Variants in EPHA5 observed in about 807,000 individuals in gnomAD.
The protein encoded by EPHA5 is EPH receptor A5.
A neutral mutation model predicts 105.0 loss-of-function variants in EPHA5; 60 were observed. That is an observed-to-expected ratio of 0.57 (90% CI 0.46 to 0.71). The LOEUF is 0.71. EPHA5 is among the 30% of genes least tolerant of loss of function. The pLI, the probability that EPHA5 is intolerant of heterozygous loss-of-function variation, is 0.00. For synonymous variants in EPHA5, 513 were observed against 449.1 expected, an observed-to-expected ratio of 1.14 and a Z score of -1.80; for missense variants, 1,218 against 1,274.7, an observed-to-expected ratio of 0.96 and a Z score of 0.68.
chr4:65,591,599 A>AT (rs1742662517), intron 3 of EPHA5, among the ~76,000 whole-genome samples: 1 of 150,264 alleles, frequency 6.7e-6, no homozygotes, highest in South Asian at 2.1e-4. Context: ...ATTAATTTTA[A>AT]TTTTATTTTT....
At chr4:65,354,981 T>C (rs1723162482) in intron 11 of EPHA5, among the ~76,000 whole-genome samples, 1 of 151,792 alleles carries the variant, frequency 6.6e-6, no homozygotes, top group Admixed American at 6.6e-5. Context: ...TGTAAAAATG[T>C]TTGTCTAAAA....
At chr4:65,422,123 C>A (rs1340997032) in intron 5 of EPHA5, among the ~76,000 whole-genome samples, 6 of 152,072 alleles carry the variant, frequency 3.9e-5, no homozygotes, top group Non-Finnish European at 7.4e-5. Flanking sequence ...CAGTGTTTTC[C>A]AAACTCAGTT....
chr4:65,460,226 A>G (rs1044559874), intron 5 of EPHA5, among the ~76,000 whole-genome samples: 5 of 151,566 alleles, frequency 3.3e-5, no homozygotes, highest in African/African-American at 1.2e-4. Context: ...AATTATGTTA[A>G]TGTATGTAGA....
At chr4:65,327,927 A>C (rs1253776124) in intron 16 of EPHA5, among the ~76,000 whole-genome samples, 1 of 151,234 alleles carries the variant, frequency 6.6e-6, no homozygotes, top group Non-Finnish European at 1.5e-5. Flanking sequence ...CAGTAATTAC[A>C]TAAATTTGAT....
chr4:65,488,430 C>T (rs990862405), intron 5 of EPHA5, among the ~76,000 whole-genome samples: 5 of 107,866 alleles, frequency 4.6e-5, no homozygotes, highest in Admixed American at 1.8e-4. Flanking sequence ...AAAGATGTTT[C>T]GTAAGAAGGC....
intron 14 of EPHA5, among the ~76,000 whole-genome samples, chr4:65,345,195 C>A (rs1447163815): frequency 1.3e-5 from 2 of 152,052 alleles, no homozygotes; most frequent in Non-Finnish European, 2.9e-5. Flanking sequence ...TACCATTTTC[C>A]CAGATTTAGA....
rs148039179 is a variant in EPHA5 at position 65,490,390 on chromosome 4, G to C, written c.1389C>G (p.Thr463=). 1 of 1,613,452 alleles carries C rather than the reference G, an allele frequency of 6.2e-7. No homozygotes were observed. The highest frequency in any genetic ancestry group is 1.3e-5 in the African/African-American group (1 of 74,874). Residue 463 remains threonine (T), a synonymous_variant, in exon 5 of 17, where the codon ACC becomes ACG. Transcript: ENST00000613740. ...GARQYVSVNV[T]TNQAAPSPVT... Reference sequence around the variant, plus strand: ...CATGGCACTTACCTGCTTGATTTGTGGTTACATTTACAGACACATACTGCC... The same window carrying C: ...CATGGCACTTACCTGCTTGATTTGTCGTTACATTTACAGACACATACTGCC...
chr4:65,400,015 GATAA>G (rs1246929792), intron 8 of EPHA5, among the ~76,000 whole-genome samples: 3 of 152,000 alleles, frequency 2.0e-5, no homozygotes, highest in East Asian at 1.9e-4. Context: ...TAAGGACACA[GATAA>G]ATAAAAAAGT....
At chr4:65,559,973 T>G (rs1396206515) in intron 3 of EPHA5, among the ~76,000 whole-genome samples, 2 of 152,306 alleles carry the variant, frequency 1.3e-5, no homozygotes, top group East Asian at 3.9e-4. Flanking sequence ...AGCTGGTACA[T>G]AAGGATATTA....
intron 5 of EPHA5, among the ~76,000 whole-genome samples, chr4:65,434,273 A>G (rs968727765): frequency 1.3e-5 from 2 of 151,796 alleles, no homozygotes; most frequent in Non-Finnish European, 2.9e-5. Context: ...TTAAAGTAAC[A>G]TATTTAGAGA....
intron 2 of EPHA5, among the ~76,000 whole-genome samples, chr4:65,621,788 G>A (rs1025707680): frequency 2.6e-5 from 4 of 152,168 alleles, no homozygotes; most frequent in Admixed American, 1.3e-4. Context: ...CATGTTTTTG[G>A]ATTTAATCCT....
At position 65,579,366 on chromosome 4, in the gene EPHA5, A is replaced by ATG. The variant is rs1741381685; in HGVS notation, c.910+22274_910+22275insCA. 2.0e-5 allele frequency among the ~76,000 whole-genome samples: 3 copies of ATG among 146,902 alleles called. No individual in the cohort carries two copies. In the South Asian group the frequency reaches 6.3e-4, roughly 31 times the overall value. On this transcript the variant is annotated intron_variant, in intron 3 of 16. Coordinates refer to ENST00000613740, the MANE Select transcript of EPHA5 (RefSeq NM_001281766.3). ...TATATATATGTATGTGTGTATATATATATATATATAAATATATATATATAA... is the reference window on the plus strand; with the variant it reads ...TATATATATGTATGTGTGTATATATATGTATATATATAAATATATATATATAA...
intron 3 of EPHA5, among the ~76,000 whole-genome samples, chr4:65,497,247 C>T (rs909940662): frequency 1.3e-5 from 2 of 152,106 alleles, no homozygotes; most frequent in African/African-American, 4.8e-5. Flanking sequence ...CTGGGGCCAA[C>T]TTTCATATTC....
chr4:65,469,674 A>C (rs1244060553), intron 5 of EPHA5, among the ~76,000 whole-genome samples: 1 of 152,190 alleles, frequency 6.6e-6, no homozygotes, highest in East Asian at 1.9e-4. Context: ...TTCTAATTTA[A>C]CACAAAAAAA....
chr4:65,521,530 A>G (rs1408141441), intron 3 of EPHA5, among the ~76,000 whole-genome samples: 3 of 152,098 alleles, frequency 2.0e-5, no homozygotes, highest in African/African-American at 7.2e-5. Context: ...TAATAAAAAA[A>G]AGCAAAGGTT....
intron 1 of EPHA5, among the ~76,000 whole-genome samples, chr4:65,655,965 A>C (rs756396558): frequency 8.6e-5 from 13 of 152,040 alleles, no homozygotes; most frequent in Non-Finnish European, 1.9e-4. Context: ...TTTTAAACTG[A>C]GCTCAGAATG....
chr4:65,431,520 T>C (rs1334894890), intron 5 of EPHA5, among the ~76,000 whole-genome samples: 1 of 152,094 alleles, frequency 6.6e-6, no homozygotes, highest in Non-Finnish European at 1.5e-5. Flanking sequence ...CATCTCTTTC[T>C]CCATCTCATG....
At chr4:65,534,033 G>A (rs112077831) in intron 3 of EPHA5, among the ~76,000 whole-genome samples, 370 of 152,206 alleles carry the variant, frequency 2.4e-3, no homozygotes, top group Non-Finnish European at 3.7e-3. Context: ...GCATTACTGC[G>A]TTTAAAGTCC....
Position 65,551,222 on chromosome 4 carries a change from T to G in EPHA5, c.910+50419A>C, listed in dbSNP as rs1217701160. On this transcript the variant is annotated intron_variant, in intron 3 of 16. Transcript: ENST00000613740. ...TGTTCATGCCATGTATGTATATATA[T>G]GTTTAAATATATGGAGTGTATATAT... is the stretch of plus-strand genomic sequence containing the variant. 2.0e-5 allele frequency among the ~76,000 whole-genome samples: 3 copies of G among 150,886 alleles called. No individual in the cohort carries two copies. In the East Asian group the frequency reaches 5.9e-4, roughly 30 times the overall value.
Sources: gnomAD v4.1 joint callset for allele counts (sites outside exome capture counted in the v4.1 genomes callset) on GRCh38, gnomAD v4.1.1 for gene constraint, MANE v1.5 for transcripts, NCBI Gene and HGNC (gene_info 2026-07-23, HGNC 2026-07-21) for gene names.